The following P2RX4 variants were observed in gnomAD, a reference collection of about 807,000 sequenced individuals.
P2RX4 encodes purinergic receptor P2X 4, also known as P2X purinoceptor 4.
Under a neutral mutation model 48.0 loss-of-function variants are expected in P2RX4, and 37 were observed. The observed-to-expected ratio is 0.77, with a 90% CI of 0.59 to 1.01. The LOEUF (loss-of-function observed/expected upper bound fraction) is 1.01, where lower values mean the gene tolerates loss of function less well. P2RX4 is among the 50% of genes least tolerant of loss of function. The probability of loss-of-function intolerance (pLI) is 0.00; values close to 1 mark genes in which losing one functional copy is unlikely to be tolerated. For missense variants in P2RX4, 501 were observed against 521.4 expected, an observed-to-expected ratio of 0.96 and a Z score of 0.38; for synonymous variants, 200 against 199.7, an observed-to-expected ratio of 1.00 and a Z score of -0.01.
chr12:121,223,714 G>C (rs775442118), intron 5 of P2RX4, among the ~76,000 whole-genome samples: 22 of 152,192 alleles, frequency 1.4e-4, no homozygotes, highest in Non-Finnish European at 3.1e-4. Context: ...GTGCACAGCG[G>C]GGGGGCAGTG....
Position 121,232,371 on chromosome 12 carries a change from C to G in P2RX4, c.885-43C>G. On this transcript the variant is annotated intron_variant, in intron 8 of 11. Coordinates refer to ENST00000337233, the MANE Select transcript of P2RX4 (RefSeq NM_002560.3). This position sits in a 1 kb window ranked among gnomAD's most constrained non-coding sequence, Gnocchi z 4.3. The stretch of plus-strand genomic sequence containing the variant: ...ACGTTCTCTCACAGGGCCCAAGGTC[C>G]TGCCCCAGCCATCTCCCCCTGATCC... 7.3e-7 allele frequency: 1 copy of G among 1,375,246 alleles called. No homozygotes were observed. The highest frequency in any genetic ancestry group is 1.0e-6 in the Non-Finnish European group (1 of 964,774). The allele number at this position is 1,375,246 out of a possible 1,614,324, so 85.2% of individuals were successfully genotyped here.
In P2RX4 at chr12:121,232,515, G is replaced by A. The variant is rs181464224; in HGVS notation, c.978+8G>A. 11,392 of 1,612,090 alleles carry A rather than the reference G, an allele frequency of 7.1e-3. 44 individuals carry two copies. Among genetic ancestry groups the A allele is most frequent in the Middle Eastern group, 8.7e-3 (53 of 6,058 alleles). On this transcript the variant is annotated splice_region_variant and intron_variant, in intron 9 of 11. Coordinates refer to ENST00000337233, the MANE Select transcript of P2RX4 (RefSeq NM_002560.3). The surrounding 1 kb of genome is among the most constrained non-coding windows in gnomAD (Gnocchi z 4.3). Reference sequence around the variant, plus strand: ...ATCATTGTGTTTGGGAAGGTAGCTCGCCGCCACTGGCTCCCCTCCGTCACT... The same window carrying A: ...ATCATTGTGTTTGGGAAGGTAGCTCACCGCCACTGGCTCCCCTCCGTCACT...
chr12:121,232,374 C>T lies in P2RX4; in HGVS notation c.885-40C>T, dbSNP rs926170166. ...TTCTCTCACAGGGCCCAAGGTCCTGCCCCAGCCATCTCCCCCTGATCCATC... is the reference window on the plus strand; with the variant it reads ...TTCTCTCACAGGGCCCAAGGTCCTGTCCCAGCCATCTCCCCCTGATCCATC... On this transcript the variant is annotated intron_variant, in intron 8 of 11. Coordinates refer to ENST00000337233, the MANE Select transcript of P2RX4 (RefSeq NM_002560.3). This position sits in a 1 kb window ranked among gnomAD's most constrained non-coding sequence, Gnocchi z 4.3. The T allele has an allele frequency of 8.6e-6, 12 of 1,397,244 alleles. No individual in the cohort carries two copies. Among genetic ancestry groups the T allele is most frequent in the Non-Finnish European group, 1.2e-5 (12 of 985,744 alleles). 86.6% of individuals were successfully genotyped at this position (1,397,244 alleles called of 1,614,324 possible).
Position 121,223,126 on chromosome 12 carries a change from T to C in P2RX4, c.524+83T>C. The C allele has an allele frequency of 4.6e-6, 4 of 860,370 alleles. No individual in the cohort carries two copies. In the South Asian group the frequency reaches 5.8e-5, roughly 12 times the overall value. The allele number at this position is 860,370 out of a possible 1,614,324, so 53.3% of individuals were successfully genotyped here. The stretch of plus-strand genomic sequence containing the variant: ...TTTCACTCTGTATCCCAGGTTGGAG[T>C]GCAGTGGTGCGATCTTGGCTCACCA... On this transcript the variant is annotated intron_variant, in intron 5 of 11. Coordinates refer to ENST00000337233, the MANE Select transcript of P2RX4 (RefSeq NM_002560.3).
intron 1 of P2RX4, chr12:121,212,807 TATATA>T (rs1885952099): frequency 5.8e-5 from 2 of 34,214 alleles, no homozygotes; most frequent in African/African-American, 2.5e-4. Context: ...TATATATATA[TATATA>T]TATATATATA....
In P2RX4 at chr12:121,210,192, G is replaced by T. The variant is rs779329457; in HGVS notation, c.28G>T (p.Ala10Ser). 10 of 1,540,056 alleles carry T rather than the reference G, an allele frequency of 6.5e-6. No homozygotes were observed. Among genetic ancestry groups the T allele is most frequent in the Non-Finnish European group, 3.5e-6 (4 of 1,150,012 alleles). MAGCCAALA[A>S]FLFEYDTPRI... The stretch of plus-strand genomic sequence containing the variant: ...GGCGGGCTGCTGCGCCGCGCTGGCG[G>T]CCTTCCTGTTCGAGTACGACACGCC... Residue 10 changes from alanine to serine, a missense_variant, in exon 1 of 12, where the codon GCC (alanine) becomes TCC (serine). Transcript: ENST00000337233.
At chr12:121,223,779 C>T (rs553571890) in intron 5 of P2RX4, among the ~76,000 whole-genome samples, 100 of 152,302 alleles carry the variant, frequency 6.6e-4, no homozygotes, top group South Asian at 2.1e-4. Flanking sequence ...TCGTGCCAGG[C>T]TGAGGCAGAA....
chr12:121,222,385 GTTGTTTTTTC>G (rs1298541648), intron 4 of P2RX4: 3 of 550,096 alleles, frequency 5.5e-6, no homozygotes, highest in African/African-American at 3.9e-5. Context: ...TGTTGTTGTT[GTTGTTTTTTC>G]TTGTTTTTTT....
At chr12:121,230,983 T>TATATATATA in intron 8 of P2RX4, among the ~76,000 whole-genome samples, 1 of 130,092 alleles carries the variant, frequency 7.7e-6, no homozygotes, top group South Asian at 2.3e-4. Flanking sequence ...TATATATATA[T>TATATATATA]TTTTTTTTTT....
At chr12:121,223,170 T>G in intron 5 of P2RX4, 127 bp downstream of exon 5, 1 of 661,852 alleles carries the variant, frequency 1.5e-6, no homozygotes, top group Non-Finnish European at 2.8e-6. Context: ...ACCTCCCGTG[T>G]TCAAGTGATT....
At chr12:121,223,416 G>A (rs985694594) in intron 5 of P2RX4, 2 of 312,184 alleles carry the variant, frequency 6.4e-6, no homozygotes, top group Admixed American at 4.4e-5. Context: ...TCAACTCTGC[G>A]TGTCAGCCTT....
At chr12:121,224,378 C>T (rs115014497) in intron 5 of P2RX4, among the ~76,000 whole-genome samples, 1,554 of 152,098 alleles carry the variant, frequency 0.01, 19 homozygotes, top group African/African-American at 0.035. Flanking sequence ...CTGAGGCAGT[C>T]GGATCATCTG....
chr12:121,230,993 T>TTTTCTTC (rs1555238308), intron 8 of P2RX4, among the ~76,000 whole-genome samples: 1 of 147,876 alleles, frequency 6.8e-6, no homozygotes, highest in Non-Finnish European at 1.5e-5. Context: ...TTTTTTTTTT[T>TTTTCTTC]TTCTTCTTTT....
At chr12:121,226,487 G>A (rs888638787) in intron 5 of P2RX4, among the ~76,000 whole-genome samples, 2 of 152,090 alleles carry the variant, frequency 1.3e-5, no homozygotes, top group African/African-American at 4.8e-5. Context: ...AAGTTGCAGT[G>A]AGCCAAGATC....
chr12:121,221,670 G>A (rs992982175), intron 2 of P2RX4, among the ~76,000 whole-genome samples: 2 of 152,180 alleles, frequency 1.3e-5, no homozygotes. Context: ...TGGGATTACA[G>A]GCTTGAGCCA....
chr12:121,210,990 T>C lies in P2RX4; in HGVS notation c.134+692T>C, dbSNP rs145146072. On this transcript the variant is annotated intron_variant, in intron 1 of 11. Coordinates refer to ENST00000337233, the MANE Select transcript of P2RX4 (RefSeq NM_002560.3). ...GCTTTTGGTCATTTCTTTTGATCAC[T>C]ATGCGGTGTCACTATGTGGTAGTAG... 2.4e-3 allele frequency among the ~76,000 whole-genome samples: 370 copies of C among 152,288 alleles called. 6 individuals carry two copies. Among genetic ancestry groups the C allele is most frequent in the Admixed American group, 0.021 (324 of 15,292 alleles).
intron 5 of P2RX4, among the ~76,000 whole-genome samples, chr12:121,224,459 G>A (rs1040814531): frequency 4.6e-5 from 7 of 151,794 alleles, no homozygotes; most frequent in Non-Finnish European, 1.0e-4. Context: ...CAAAAATTAG[G>A]GTTAGGGTGG....
intron 11 of P2RX4, chr12:121,233,299 C>T (rs147706041): frequency 2.4e-4 from 154 of 639,188 alleles, no homozygotes; most frequent in South Asian, 1.6e-3. Flanking sequence ...AACCCAGCCT[C>T]GTTTCAATGA....
rs574084966 is a variant in P2RX4, at chr12:121,229,234, G to A, written c.884+135G>A. The A allele has an allele frequency of 5.3e-5, 58 of 1,089,252 alleles. No individual in the cohort carries two copies. The highest frequency in any genetic ancestry group is 6.8e-5 in the Non-Finnish European group (50 of 736,092). 67.5% of individuals were successfully genotyped at this position (1,089,252 alleles called of 1,614,324 possible). A position where few individuals can be genotyped will look rare whatever the true frequency, so the allele number is the denominator to read the frequency against. ...AGGCTGCCGGTCCCCCGTCCAAGGC[G>A]GCGGGAAGGCCATGCTGGGAAAATG... On this transcript the variant is annotated intron_variant, in intron 8 of 11. Coordinates refer to ENST00000337233, the MANE Select transcript of P2RX4 (RefSeq NM_002560.3). The surrounding 1 kb of genome is among the most constrained non-coding windows in gnomAD (Gnocchi z 4.6).
Sources: gnomAD v4.1 joint callset for allele counts (sites outside exome capture counted in the v4.1 genomes callset) on GRCh38, gnomAD v4.1.1 for gene constraint, Gnocchi (gnomAD v3.1) non-coding constraint, MANE v1.5 for transcripts, NCBI Gene and HGNC (gene_info 2026-07-23, HGNC 2026-07-21) for gene names.